NACC1: variants seen among roughly 807,000 people sequenced by gnomAD.
NACC1 encodes nucleus accumbens-associated protein 1.
A neutral mutation model predicts 41.7 loss-of-function variants in NACC1; 6 were observed. That is an observed-to-expected ratio of 0.14 (90% confidence interval 0.08 to 0.28). The LOEUF (loss-of-function observed/expected upper bound fraction) is 0.28. NACC1 is among the 10% of genes least tolerant of loss of function. The probability of loss-of-function intolerance (pLI) is 1.00; values close to 1 mark genes in which losing one functional copy is unlikely to be tolerated. For synonymous variants in NACC1, 338 were observed against 330.6 expected (o/e 1.02, Z -0.24); for missense variants, 434 against 763.7 (o/e 0.57, Z 5.09).
At position 13,135,646 on chromosome 19, in the gene NACC1, G is replaced by A. The variant is rs751983812; in HGVS notation, c.439G>A (p.Val147Met). Residue 147 changes from valine to methionine, a missense_variant, in exon 2 of 6, where the codon GTG becomes ATG. Physicochemically the swap from Val to Met is conservative, Grantham distance 21. This residue lies in a region of NACC1 where 234 missense variants were observed against 308.3 expected (regional missense o/e 0.76). Coordinates refer to ENST00000292431, the MANE Select transcript of NACC1 (RefSeq NM_052876.4). ...CCCATCGTCGGAGCCCCAGAGCCCCGTGGCGCAGACATCGGGCTGGCCAGC... is the reference window on the plus strand; with the variant it reads ...CCCATCGTCGGAGCCCCAGAGCCCCATGGCGCAGACATCGGGCTGGCCAGC... The part of the protein sequence containing the change: ...EAPSSEPQSP[V>M]AQTSGWPACS... 15 of 1,565,272 alleles carry A rather than the reference G, an allele frequency of 9.6e-6. No individual in the cohort carries two copies. The highest frequency in any genetic ancestry group is 4.1e-5 in the African/African-American group (3 of 74,040).
At chr19:13,132,815 T>C (rs774739299) in intron 1 of NACC1, among the ~76,000 whole-genome samples, 11 of 152,100 alleles carry the variant, frequency 7.2e-5, no homozygotes, top group African/African-American at 1.2e-4. Flanking sequence ...TAAGTGTAGG[T>C]TGAGTTTGTA....
At chr19:13,128,114 T>C (rs1011834152) in intron 1 of NACC1, among the ~76,000 whole-genome samples, 1 of 152,166 alleles carries the variant, frequency 6.6e-6, no homozygotes, top group African/African-American at 2.4e-5. Context: ...TGGGAAGGAC[T>C]GGAGCCAGGT....
Position 13,135,211 on chromosome 19 carries a change from G to A in NACC1, c.4G>A (p.Ala2Thr). Residue 2 changes from alanine to threonine, a missense_variant, in exon 2 of 6, where the codon GCC (alanine) becomes ACC (threonine). Coordinates refer to ENST00000292431, the MANE Select transcript of NACC1 (RefSeq NM_052876.4). M[A>T]QTLQMEIPNF... is the part of the protein sequence containing the mutation. The stretch of plus-strand genomic sequence containing the variant: ...TGCCCCTCGTGCAGCCGCTGCCATG[G>A]CCCAGACACTGCAGATGGAGATCCC... The A allele has an allele frequency of 6.2e-7, 1 of 1,601,996 alleles. No individual in the cohort carries two copies. The highest frequency in any genetic ancestry group is 2.2e-5 in the East Asian group (1 of 44,684).
In NACC1 at chr19:13,138,533, T is replaced by A; in HGVS notation, c.*127T>A. ...GGTGGGTGCTGCATGTTCCCGGCCC[T>A]CTGCCCCTCCTGTCCTACCCCCTTT... On this transcript the variant is annotated 3_prime_UTR_variant, in exon 6 of 6. Transcript: ENST00000292431. This position sits in a 1 kb window ranked among gnomAD's most constrained non-coding sequence, Gnocchi z 5.7. 7.4e-7 allele frequency: 1 copy of A among 1,357,288 alleles called. No individual in the cohort carries two copies. The highest frequency in any genetic ancestry group is 1.0e-6 in the Non-Finnish European group (1 of 1,003,588). 84.1% of individuals were successfully genotyped at this position (1,357,288 alleles called of 1,614,324 possible).
chr19:13,124,585 A>G (rs1599984906), intron 1 of NACC1, among the ~76,000 whole-genome samples: 1 of 152,064 alleles, frequency 6.6e-6, no homozygotes, highest in Non-Finnish European at 1.5e-5. Flanking sequence ...CTGCCTTCAC[A>G]TTCAGCCCCT....
Position 13,137,453 on chromosome 19 carries a change from C to G in NACC1, c.1227-25C>G. 6.2e-7 allele frequency: 1 copy of G among 1,610,000 alleles called. No individual in the cohort carries two copies. The highest frequency in any genetic ancestry group is 8.5e-7 in the Non-Finnish European group (1 of 1,178,192). The stretch of plus-strand genomic sequence containing the variant: ...CCCCCACCACCAACTTGAGCGCTGA[C>G]TCCCTCCATGTCCCCTGCCCCCAGG... On this transcript the variant is annotated intron_variant, in intron 4 of 5. Coordinates refer to ENST00000292431, the MANE Select transcript of NACC1 (RefSeq NM_052876.4). The surrounding 1 kb of genome is among the most constrained non-coding windows in gnomAD (Gnocchi z 6.1).
At chr19:13,127,333 C>CAAAAA (rs59958429) in intron 1 of NACC1, among the ~76,000 whole-genome samples, 9 of 40,138 alleles carry the variant, frequency 2.2e-4, no homozygotes, top group African/African-American at 9.6e-4. Flanking sequence ...ACGTCTCTAC[C>CAAAAA]AAAAAAAAAA....
chr19:13,135,526 C>T lies in NACC1; in HGVS notation c.319C>T (p.Leu107=), dbSNP rs1237100076. 11 of 1,613,332 alleles carry T rather than the reference C, an allele frequency of 6.8e-6. No individual in the cohort carries two copies. In the Admixed American group the frequency reaches 1.7e-4, roughly 24 times the overall value. The change falls in exon 2 of 6, where the codon CTG becomes TTG. Residue 107 remains leucine (L), a synonymous_variant. Coordinates refer to ENST00000292431, the MANE Select transcript of NACC1 (RefSeq NM_052876.4). ...QFLLMYTAGF[L]QIQEIMEKGT... ...CCTGCTCATGTACACGGCTGGCTTC[C>T]TGCAGATCCAGGAGATCATGGAGAA...
At position 13,138,007 on chromosome 19, in the gene NACC1, G is replaced by T; in HGVS notation, c.1325-140G>T. On this transcript the variant is annotated intron_variant, in intron 5 of 5. Coordinates refer to ENST00000292431, the MANE Select transcript of NACC1 (RefSeq NM_052876.4). The surrounding 1 kb of genome is among the most constrained non-coding windows in gnomAD (Gnocchi z 5.7). ...CAGTCCGGTGTAGGGTTGGGTGCAC[G>T]TAGTGTGGTGTCCTGGCCGCGTGGC... The T allele has an allele frequency of 8.1e-7, 1 of 1,228,338 alleles. No homozygotes were observed. Among genetic ancestry groups the T allele is most frequent in the Non-Finnish European group, 1.1e-6 (1 of 873,478 alleles). The allele number at this position is 1,228,338 out of a possible 1,614,324, so 76.1% of individuals were successfully genotyped here. A position where few individuals can be genotyped will look rare whatever the true frequency, so the allele number is the denominator to read the frequency against.
At position 13,135,578 on chromosome 19, in the gene NACC1, G is replaced by A. The variant is rs771973705; in HGVS notation, c.371G>A (p.Ser124Asn). Residue 124 changes from serine (S) to asparagine (N), a missense_variant, in exon 2 of 6, where the codon AGC becomes AAC. By Grantham distance (46) the Ser-to-Asn change is conservative. Coordinates refer to ENST00000292431, the MANE Select transcript of NACC1 (RefSeq NM_052876.4). Reference sequence around the variant, plus strand: ...GGCACCGAGTTCTTCCTCAAGGTGAGCTCCCCGAGCTGCGACTCCCAGGGC... The same window carrying A: ...GGCACCGAGTTCTTCCTCAAGGTGAACTCCCCGAGCTGCGACTCCCAGGGC... ...EKGTEFFLKV[S>N]SPSCDSQGLH... is the part of the protein sequence containing the mutation. 2 of 1,600,834 alleles carry A rather than the reference G, an allele frequency of 1.2e-6. No homozygotes were observed. The highest frequency in any genetic ancestry group is 2.7e-5 in the African/African-American group (2 of 74,692).
At chr19:13,129,650 A>T (rs575626629) in intron 1 of NACC1, among the ~76,000 whole-genome samples, 1 of 152,146 alleles carries the variant, frequency 6.6e-6, no homozygotes, top group Non-Finnish European at 1.5e-5. Context: ...CCCGTGCGCT[A>T]ATTGGCTGAG....
Position 13,122,039 on chromosome 19 carries a change from C to T in NACC1, c.-9+3585C>T, listed in dbSNP as rs971904742. On this transcript the variant is annotated intron_variant, in intron 1 of 5. Coordinates refer to ENST00000292431, the MANE Select transcript of NACC1 (RefSeq NM_052876.4). The stretch of plus-strand genomic sequence containing the variant: ...CTACTGCCTTCCCCTAGAGAACCCT[C>T]TGGGCCGCATGAGGTGGGGCCGGGA... 1.6e-4 allele frequency among the ~76,000 whole-genome samples: 24 copies of T among 152,306 alleles called. 1 individual carries two copies. Among genetic ancestry groups the T allele is most frequent in the Non-Finnish European group, 2.2e-4 (15 of 68,028 alleles).
intron 1 of NACC1, among the ~76,000 whole-genome samples, chr19:13,122,506 T>G (rs2019509103): frequency 7.0e-6 from 1 of 143,840 alleles, no homozygotes; most frequent in Admixed American, 6.9e-5. Flanking sequence ...TCTGGGGACA[T>G]TTTTGGTTGC....
chr19:13,135,424 G>A lies in NACC1; in HGVS notation c.217G>A (p.Val73Met), dbSNP rs755545917. 3 of 1,613,022 alleles carry A rather than the reference G, an allele frequency of 1.9e-6. No homozygotes were observed. The highest frequency in any genetic ancestry group is 1.1e-5 in the South Asian group (1 of 91,034). ...CGCCGTGGTGGAGCTGCCGGCGGCT[G>A]TGCAGCCCCAGTCTTTCCAGCAGAT... ...RSAVVELPAAVQPQSFQQILS... is the reference protein window; with the variant it reads ...RSAVVELPAAMQPQSFQQILS... The change falls in exon 2 of 6, where the codon GTG becomes ATG. Residue 73 changes from valine (V) to methionine (M), a missense_variant. This residue lies in a region of NACC1 where 67 missense variants were observed against 180.1 expected (regional missense o/e 0.37). Coordinates refer to ENST00000292431, the MANE Select transcript of NACC1 (RefSeq NM_052876.4).
Position 13,137,023 on chromosome 19 carries a change from C to G in NACC1, c.1121-248C>G, listed in dbSNP as rs948692880. On this transcript the variant is annotated intron_variant, in intron 3 of 5. Transcript: ENST00000292431. This position sits in a 1 kb window ranked among gnomAD's most constrained non-coding sequence, Gnocchi z 6.1. The stretch of plus-strand genomic sequence containing the variant: ...GGCACGACTGGCCACACAGCAGGCA[C>G]CCCGAGGATGGTGAAGCAACCCTTT... Among the ~76,000 whole-genome samples, 1 of 152,326 alleles carries G rather than the reference C, an allele frequency of 6.6e-6. No individual in the cohort carries two copies.
chr19:13,131,020 G>C (rs1309580474), intron 1 of NACC1, among the ~76,000 whole-genome samples: 1 of 152,084 alleles, frequency 6.6e-6, no homozygotes, highest in African/African-American at 2.4e-5. Context: ...TTCCCGCCCA[G>C]AAGTGTTATC....
Position 13,135,911 on chromosome 19 carries a change from T to C in NACC1, c.704T>C (p.Val235Ala), listed in dbSNP as rs761201085. 1 of 1,570,140 alleles carries C rather than the reference T, an allele frequency of 6.4e-7. No homozygotes were observed. The highest frequency in any genetic ancestry group is 8.6e-7 in the Non-Finnish European group (1 of 1,159,740). The part of the protein sequence containing the change: ...APVVAAAQPA[V>A]AAGAGQPAGG... Reference sequence around the variant, plus strand: ...GTGGTGGCAGCAGCCCAGCCCGCCGTGGCTGCGGGAGCAGGGCAGCCAGCC... The same window carrying C: ...GTGGTGGCAGCAGCCCAGCCCGCCGCGGCTGCGGGAGCAGGGCAGCCAGCC... Residue 235 changes from valine (V) to alanine (A), a missense_variant, in exon 2 of 6, where the codon GTG (valine) becomes GCG (alanine). This residue lies in a region of NACC1 where 234 missense variants were observed against 308.3 expected (regional missense o/e 0.76). Coordinates refer to ENST00000292431, the MANE Select transcript of NACC1 (RefSeq NM_052876.4).
In NACC1 at chr19:13,118,378, G is replaced by A. The variant is rs1398727537; in HGVS notation, c.-85G>A. The A allele has an allele frequency of 6.8e-6, 1 of 146,666 alleles. No individual in the cohort carries two copies. Among genetic ancestry groups the A allele is most frequent in the Admixed American group, 6.8e-5 (1 of 14,760 alleles). The allele number at this position is 146,666 out of a possible 1,614,324, so 9.1% of individuals were successfully genotyped here. A position where few individuals can be genotyped will look rare whatever the true frequency, so the allele number is the denominator to read the frequency against. On this transcript the variant is annotated 5_prime_UTR_variant, in exon 1 of 6. Coordinates refer to ENST00000292431, the MANE Select transcript of NACC1 (RefSeq NM_052876.4). Reference sequence around the variant, plus strand: ...GGCCGAGGCCCCGGCGCAGCGGGGCGCGCCCCGGGCCCAGGCCCGGCCCCA... The same window carrying A: ...GGCCGAGGCCCCGGCGCAGCGGGGCACGCCCCGGGCCCAGGCCCGGCCCCA...
At chr19:13,129,985 C>G (rs1361824535) in intron 1 of NACC1, among the ~76,000 whole-genome samples, 1 of 151,676 alleles carries the variant, frequency 6.6e-6, no homozygotes, top group African/African-American at 2.4e-5. Flanking sequence ...AGTCCTGTGC[C>G]CGTTCTGCAC....
Sources: allele counts gnomAD v4.1 joint callset (sites outside exome capture counted in the v4.1 genomes callset), GRCh38; gene constraint gnomAD v4.1.1; regional missense constraint gnomAD v4.1.1; non-coding constraint Gnocchi (gnomAD v3.1); transcripts MANE v1.5; gene names NCBI Gene and HGNC (gene_info 2026-07-23, HGNC 2026-07-21).